The following AP2A2 variants were observed in gnomAD, a reference collection of about 807,000 sequenced individuals.
The protein encoded by AP2A2 is AP-2 complex subunit alpha-2.
Under a neutral mutation model 104.2 loss-of-function variants are expected in AP2A2, and 32 were observed. That is an observed-to-expected ratio of 0.31 (90% CI 0.23 to 0.41). AP2A2 has a LOEUF of 0.41. Ranked by LOEUF, AP2A2 falls within the 10% of genes least tolerant of loss-of-function variation. AP2A2 has a pLI of 1.00. For missense variants in AP2A2, 912 were observed against 1,261.0 expected, an observed-to-expected ratio of 0.72 and a Z score of 4.19; for synonymous variants, 539 against 533.3, an observed-to-expected ratio of 1.01 and a Z score of -0.15.
At chr11:974,909 C>T (rs1029187073) in intron 4 of AP2A2, among the ~76,000 whole-genome samples, 2 of 152,112 alleles carry the variant, frequency 1.3e-5, no homozygotes, top group South Asian at 2.1e-4. Context: ...CGCTTGAACC[C>T]GGGAGGCGGA....
At chr11:928,440 G>A (rs1466265554) in intron 1 of AP2A2, among the ~76,000 whole-genome samples, 3 of 152,206 alleles carry the variant, frequency 2.0e-5, no homozygotes, top group Middle Eastern at 3.2e-3. Flanking sequence ...GCCTTGGAAC[G>A]TATACCTGTG....
intron 1 of AP2A2, among the ~76,000 whole-genome samples, chr11:930,025 G>A (rs1290855707): frequency 6.6e-6 from 1 of 151,732 alleles, no homozygotes; most frequent in African/African-American, 2.4e-5. Context: ...GGGGGCTGAG[G>A]CGGAAGAATC....
Position 1,003,710 on chromosome 11 carries a change from C to T in AP2A2, c.2124-12C>T. ...GCTTTGAGTGACACATATACTGTCC[C>T]TTTTCCCCTAGGTTTGTTTGTAAAA... On this transcript the variant is annotated splice_polypyrimidine_tract_variant and intron_variant, in intron 15 of 21. Transcript: ENST00000448903. The T allele has an allele frequency of 6.3e-7, 1 of 1,590,786 alleles. No homozygotes were observed. The highest frequency in any genetic ancestry group is 8.6e-7 in the Non-Finnish European group (1 of 1,166,980).
chr11:1,002,134 C>T (rs779476285), intron 15 of AP2A2, among the ~76,000 whole-genome samples: 1 of 152,244 alleles, frequency 6.6e-6, no homozygotes, highest in African/African-American at 2.4e-5. Flanking sequence ...ACAAGGGCCT[C>T]TCTGTCACGT....
intron 9 of AP2A2, among the ~76,000 whole-genome samples, chr11:987,392 G>T (rs1372435820): frequency 2.6e-5 from 4 of 152,112 alleles, no homozygotes; most frequent in Admixed American, 6.5e-5. Context: ...GCTGACGCCT[G>T]TAATCCCAGC....
chr11:997,965 G>A (rs1333537258), intron 14 of AP2A2, among the ~76,000 whole-genome samples: 2 of 152,240 alleles, frequency 1.3e-5, no homozygotes, highest in Non-Finnish European at 2.9e-5. Context: ...GCAGGAACCA[G>A]GGTAACATCT....
chr11:1,011,173 C>T lies in AP2A2; in HGVS notation c.*548C>T. 1.9e-6 allele frequency: 1 copy of T among 530,482 alleles called. No individual in the cohort carries two copies. Among genetic ancestry groups the T allele is most frequent in the Non-Finnish European group, 3.7e-6 (1 of 267,842 alleles). The allele number at this position is 530,482 out of a possible 1,614,324, so 32.9% of individuals were successfully genotyped here. On this transcript the variant is annotated 3_prime_UTR_variant, in exon 22 of 22. Coordinates refer to ENST00000448903, the MANE Select transcript of AP2A2 (RefSeq NM_012305.4). ...AGGATTTTAATCTAGAATTTAGAAA[C>T]ATTTGTATTTGTAATGACTTCTGGC...
rs535738472 is a variant in AP2A2, at chr11:977,572, T to TA, written c.603+349dup. ...TCATCTAGGCTCTAACGTGCAGTCT[T>TA]ACTAATCCTCGTGCCTACTCCACGG... On this transcript the variant is annotated intron_variant, in intron 5 of 21. Transcript: ENST00000448903. Among the ~76,000 whole-genome samples, 31 of 151,082 alleles carry TA rather than the reference T, an allele frequency of 2.1e-4. No individual in the cohort carries two copies. The South Asian group carries it at 6.4e-3, about 31-fold the overall frequency.
intron 2 of AP2A2, among the ~76,000 whole-genome samples, chr11:960,045 G>A (rs2134565525): frequency 6.6e-6 from 1 of 152,216 alleles, no homozygotes. Context: ...TTACAGATTT[G>A]CAACCTGGCT....
At chr11:931,189 G>T (rs1248277296) in intron 1 of AP2A2, among the ~76,000 whole-genome samples, 1 of 152,042 alleles carries the variant, frequency 6.6e-6, no homozygotes, top group Non-Finnish European at 1.5e-5. Context: ...ATTCAGGCTG[G>T]TGCATTGATT....
At chr11:943,267 C>CT (rs1196961645) in intron 1 of AP2A2, 6 of 152,184 alleles carry the variant, frequency 3.9e-5, no homozygotes, top group African/African-American at 1.2e-4. Context: ...GCTCACAACT[C>CT]TAAGAGGGTC....
chr11:931,128 T>G (rs1334102839), intron 1 of AP2A2, among the ~76,000 whole-genome samples: 1 of 152,218 alleles, frequency 6.6e-6, no homozygotes, highest in Non-Finnish European at 1.5e-5. Context: ...ACATCATATG[T>G]GATCTTTTGA....
chr11:983,413 C>G lies in AP2A2; in HGVS notation c.706-1232C>G, dbSNP rs767250841. Among the ~76,000 whole-genome samples, 3 of 151,930 alleles carry G rather than the reference C, an allele frequency of 2.0e-5. 1 individual carries two copies. Among genetic ancestry groups the G allele is most frequent in the South Asian group, 4.2e-4 (2 of 4,804 alleles). On this transcript the variant is annotated intron_variant, in intron 6 of 21. Transcript: ENST00000448903. ...ATTTATTTATTTTGAGATGGAGTCT[C>G]ACTCTGTCGCCCAGGCTGGAGTGCA...
intron 6 of AP2A2, among the ~76,000 whole-genome samples, chr11:983,602 C>A (rs184928036): frequency 6.6e-6 from 1 of 151,890 alleles, no homozygotes; most frequent in Non-Finnish European, 1.5e-5. Flanking sequence ...CCAGGATGGT[C>A]TCGATCTCCT....
chr11:970,352 G>A lies in AP2A2; in HGVS notation c.279+41G>A, dbSNP rs1280798122. 5 of 1,603,046 alleles carry A rather than the reference G, an allele frequency of 3.1e-6. No individual in the cohort carries two copies. In the South Asian group the frequency reaches 4.5e-5, roughly 14 times the overall value. Reference sequence around the variant, plus strand: ...GGTGGAGACGGCAGAGGATGGCGTGGGCCTGGCAGGACTGAGGCCCGGTGC... The same window carrying A: ...GGTGGAGACGGCAGAGGATGGCGTGAGCCTGGCAGGACTGAGGCCCGGTGC... On this transcript the variant is annotated intron_variant, in intron 3 of 21. Coordinates refer to ENST00000448903, the MANE Select transcript of AP2A2 (RefSeq NM_012305.4).
intron 15 of AP2A2, 53 bp from the exon 16 acceptor site, chr11:1,003,669 G>A: frequency 8.1e-7 from 1 of 1,238,808 alleles, no homozygotes; most frequent in East Asian, 2.5e-5. Context: ...ACAAACCCTT[G>A]TGTTTTCTGC....
intron 1 of AP2A2, among the ~76,000 whole-genome samples, chr11:953,808 G>C (rs578068929): frequency 6.6e-6 from 1 of 151,504 alleles, no homozygotes; most frequent in Non-Finnish European, 1.5e-5. Context: ...TGGCCGAGAC[G>C]TGACACTACT....
intron 5 of AP2A2, among the ~76,000 whole-genome samples, chr11:980,002 T>C (rs1855187178): frequency 6.6e-6 from 1 of 152,274 alleles, no homozygotes; most frequent in Non-Finnish European, 1.5e-5. Context: ...GAGTGACTGA[T>C]TCCCTAGTGG....
At chr11:1,003,534 C>G in intron 15 of AP2A2, 188 bp from the exon 16 acceptor site, 2 of 502,690 alleles carry the variant, frequency 4.0e-6, no homozygotes, top group Admixed American at 3.9e-5. Flanking sequence ...TCCCTGCGTC[C>G]TGCTCACCGT....
Sources: allele counts gnomAD v4.1 joint callset (sites outside exome capture counted in the v4.1 genomes callset), GRCh38; gene constraint gnomAD v4.1.1; transcripts MANE v1.5; gene names NCBI Gene and HGNC (gene_info 2026-07-23, HGNC 2026-07-21).